The following TFAP2D variants were observed in gnomAD, a reference collection of about 807,000 sequenced individuals.
TFAP2D encodes the protein transcription factor AP-2 delta.
TFAP2D carries 9 observed loss-of-function variants against 43.6 expected under a neutral mutation model. That is an observed-to-expected ratio of 0.21 (90% CI 0.12 to 0.36). The LOEUF is 0.36. Ranked by LOEUF, TFAP2D falls within the 10% of genes least tolerant of loss-of-function variation. The pLI, the probability that TFAP2D is intolerant of heterozygous loss-of-function variation, is 1.00. For synonymous variants in TFAP2D, 256 were observed against 224.9 expected, an observed-to-expected ratio of 1.14 and a Z score of -1.24; for missense variants, 513 against 561.4, an observed-to-expected ratio of 0.91 and a Z score of 0.87.
chr6:50,719,616 T>G (rs1464769765), intron 3 of TFAP2D, among the ~76,000 whole-genome samples: 1 of 152,232 alleles, frequency 6.6e-6, no homozygotes, highest in Non-Finnish European at 1.5e-5. Context: ...ATGATGGTGT[T>G]AGCTTCAGGC....
intron 3 of TFAP2D, among the ~76,000 whole-genome samples, chr6:50,719,830 C>A (rs531677626): frequency 6.6e-6 from 1 of 152,214 alleles, no homozygotes; most frequent in Non-Finnish European, 1.5e-5. Context: ...TCCAGAGTTA[C>A]CCATGGAATT....
At chr6:50,715,672 C>G (rs1458996877) in intron 2 of TFAP2D, 59 bp downstream of exon 2, 2 of 1,523,788 alleles carry the variant, frequency 1.3e-6, no homozygotes, top group East Asian at 2.3e-5. Flanking sequence ...CCCCCTGCCG[C>G]CCCATTAATG....
intron 7 of TFAP2D, among the ~76,000 whole-genome samples, chr6:50,765,936 G>A (rs369828525): frequency 7.2e-5 from 11 of 152,118 alleles, no homozygotes; most frequent in African/African-American, 2.7e-4. Context: ...AAAAAATAAA[G>A]CCAAGACCAA....
At chr6:50,762,986 C>A (rs1393915335) in intron 7 of TFAP2D, among the ~76,000 whole-genome samples, 2 of 152,076 alleles carry the variant, frequency 1.3e-5, no homozygotes, top group Admixed American at 6.6e-5. Flanking sequence ...TTAGACTTTA[C>A]TGATTTCGTA....
intron 7 of TFAP2D, among the ~76,000 whole-genome samples, chr6:50,768,254 A>G (rs1581780484): frequency 7.6e-6 from 1 of 132,302 alleles, no homozygotes; most frequent in Admixed American, 7.4e-5. Context: ...CAAAAGTCAG[A>G]CCTTCTATTT....
At chr6:50,722,889 A>G (rs534651482) in intron 3 of TFAP2D, among the ~76,000 whole-genome samples, 1 of 152,312 alleles carries the variant, frequency 6.6e-6, no homozygotes, top group Non-Finnish European at 1.5e-5. Context: ...CTTTGTGATC[A>G]TTCTGCCTTG....
Position 50,715,588 on chromosome 6 carries a change from C to G in TFAP2D, c.512C>G (p.Ala171Gly), listed in dbSNP as rs746205422. Residue 171 changes from alanine to glycine, a missense_variant, in exon 2 of 8, where the codon GCC becomes GGC. By Grantham distance (60) the Ala-to-Gly change is moderately conservative. This residue lies in a region of TFAP2D where 311 missense variants were observed against 316.2 expected (regional missense o/e 0.98). Coordinates refer to ENST00000008391, the MANE Select transcript of TFAP2D (RefSeq NM_172238.4). Reference sequence around the variant, plus strand: ...CTGCCAGGGCCCAGCCTGGGGCTGGCCGCCGCGGGAGCAGACGACTTGCAG... The same window carrying G: ...CTGCCAGGGCCCAGCCTGGGGCTGGGCGCCGCGGGAGCAGACGACTTGCAG... ...RLLPGPSLGLAAAGADDLQGS... is the reference protein window; with the variant it reads ...RLLPGPSLGLGAAGADDLQGS... 3.1e-6 allele frequency: 5 copies of G among 1,597,960 alleles called. No homozygotes were observed. Among genetic ancestry groups the G allele is most frequent in the Non-Finnish European group, 3.4e-6 (4 of 1,171,076 alleles).
intron 5 of TFAP2D, among the ~76,000 whole-genome samples, chr6:50,733,670 T>C (rs566474106): frequency 2.6e-5 from 4 of 152,112 alleles, no homozygotes; most frequent in Non-Finnish European, 4.4e-5. Context: ...CAGAAGTATG[T>C]TTGCAGAGTT....
In TFAP2D at chr6:50,715,259, C is replaced by G; in HGVS notation, c.183C>G (p.Ser61=). 1 of 1,613,990 alleles carries G rather than the reference C, an allele frequency of 6.2e-7. No individual in the cohort carries two copies. ...CCGAGTTTGCGTCCCCCTACTTCTC[C>G]ACTAACCACCAGTACACCCCGCTCC... ...TGTEFASPYF[S]TNHQYTPLHH... Residue 61 remains serine (S), a synonymous_variant, in exon 2 of 8, where the codon TCC becomes TCG. Coordinates refer to ENST00000008391, the MANE Select transcript of TFAP2D (RefSeq NM_172238.4).
In TFAP2D at chr6:50,753,919, A is replaced by G. The variant is rs1214310812; in HGVS notation, c.1139+2595A>G. Among the ~76,000 whole-genome samples the G allele has an allele frequency of 2.6e-5, 4 of 152,082 alleles. 1 individual carries two copies. The East Asian group carries it at 7.7e-4, about 29-fold the overall frequency. ...ATACCAAAAGTAGTAGGATGATACA[A>G]ATCGCATAACCAAAGATTTCTTTAT... is the stretch of plus-strand genomic sequence containing the variant. On this transcript the variant is annotated intron_variant, in intron 7 of 7. Transcript: ENST00000008391.
At chr6:50,758,113 A>G (rs1376686662) in intron 7 of TFAP2D, among the ~76,000 whole-genome samples, 1 of 151,754 alleles carries the variant, frequency 6.6e-6, no homozygotes, top group African/African-American at 2.4e-5. Flanking sequence ...TAATTCTCCT[A>G]TTTAACTCAT....
chr6:50,747,100 A>G (rs1769136484), intron 6 of TFAP2D, among the ~76,000 whole-genome samples: 1 of 152,144 alleles, frequency 6.6e-6, no homozygotes, highest in Non-Finnish European at 1.5e-5. Flanking sequence ...GAAAAGACCT[A>G]AATCTGAACC....
At chr6:50,764,802 A>G (rs1769419737) in intron 7 of TFAP2D, among the ~76,000 whole-genome samples, 1 of 152,182 alleles carries the variant, frequency 6.6e-6, no homozygotes, top group South Asian at 2.1e-4. Flanking sequence ...TAATTGACAA[A>G]TACAAATAAA....
At chr6:50,727,780 C>T (rs968740362) in intron 3 of TFAP2D, among the ~76,000 whole-genome samples, 7 of 152,160 alleles carry the variant, frequency 4.6e-5, no homozygotes, top group African/African-American at 9.7e-5. Flanking sequence ...CCCTTAAAAA[C>T]TCTGCCTTTA....
chr6:50,753,548 C>T (rs1256108241), intron 7 of TFAP2D, among the ~76,000 whole-genome samples: 1 of 151,784 alleles, frequency 6.6e-6, no homozygotes, highest in Non-Finnish European at 1.5e-5. Context: ...TGGGAACAAG[C>T]TGGTGTTACT....
chr6:50,730,745 T>C (rs1201413749), intron 5 of TFAP2D, among the ~76,000 whole-genome samples: 1 of 152,128 alleles, frequency 6.6e-6, no homozygotes, highest in African/African-American at 2.4e-5. Context: ...CTAGGTCTCA[T>C]TCCCAAATCA....
intron 7 of TFAP2D, among the ~76,000 whole-genome samples, chr6:50,753,544 C>A (rs1769226381): frequency 6.6e-6 from 1 of 151,784 alleles, no homozygotes; most frequent in South Asian, 2.1e-4. Context: ...AATATGGGAA[C>A]AAGCTGGTGT....
intron 3 of TFAP2D, among the ~76,000 whole-genome samples, chr6:50,720,823 G>T (rs1469375959): frequency 2.0e-5 from 3 of 152,160 alleles, no homozygotes; most frequent in African/African-American, 4.8e-5. Flanking sequence ...ACTAATTAGG[G>T]ACGGGAGCCC....
intron 7 of TFAP2D, among the ~76,000 whole-genome samples, chr6:50,771,599 T>A (rs1043575298): frequency 6.6e-6 from 1 of 152,210 alleles, no homozygotes; most frequent in African/African-American, 2.4e-5. Flanking sequence ...TAAAGGTGTG[T>A]TTTCCAGCTA....
Sources: gnomAD v4.1 joint callset for allele counts (sites outside exome capture counted in the v4.1 genomes callset) on GRCh38, gnomAD v4.1.1 for gene constraint, gnomAD v4.1.1 regional missense constraint, MANE v1.5 for transcripts, NCBI Gene and HGNC (gene_info 2026-07-23, HGNC 2026-07-21) for gene names.